Variants in MGAT4C observed in about 807,000 individuals in gnomAD.
The protein encoded by MGAT4C is MGAT4 family member C.
A neutral mutation model predicts 40.1 loss-of-function variants in MGAT4C; 19 were observed. That is an observed-to-expected ratio of 0.47 (90% confidence interval 0.33 to 0.70). The LOEUF is 0.70. Among genes scored for constraint, MGAT4C ranks in the 30% least tolerant of loss-of-function variants. The probability of loss-of-function intolerance (pLI) is 0.02; values close to 1 mark genes in which losing one functional copy is unlikely to be tolerated. For synonymous variants in MGAT4C, 181 were observed against 187.1 expected (o/e 0.97, Z 0.27); for missense variants, 491 against 563.2 (o/e 0.87, Z 1.30).
At chr12:86,188,186 T>A (rs1888988319) in intron 1 of MGAT4C, among the ~76,000 whole-genome samples, 1 of 152,074 alleles carries the variant, frequency 6.6e-6, no homozygotes, top group Non-Finnish European at 1.5e-5. Flanking sequence ...GAGAAATGAT[T>A]AAGAATTCTA....
chr12:86,353,439 T>A (rs1955225228), intron 3 of MGAT4C, among the ~76,000 whole-genome samples: 1 of 152,198 alleles, frequency 6.6e-6, no homozygotes, highest in South Asian at 2.1e-4. Flanking sequence ...TTCTCCCATC[T>A]CTTCTGGCCT....
upstream of MGAT4C, among the ~76,000 whole-genome samples, chr12:86,260,501 A>G (rs1952636174): frequency 6.6e-6 from 1 of 152,186 alleles, no homozygotes; most frequent in South Asian, 2.1e-4. Flanking sequence ...TGAATAATTT[A>G]CAATGTGCCA....
intron 2 of MGAT4C, among the ~76,000 whole-genome samples, chr12:86,662,787 A>G (rs1424314044): frequency 6.6e-6 from 1 of 152,224 alleles, no homozygotes; most frequent in Middle Eastern, 3.2e-3. Flanking sequence ...CTCTTTAATC[A>G]TAAACTAATT....
intron 1 of MGAT4C, among the ~76,000 whole-genome samples, chr12:86,082,083 A>G (rs1870938391): frequency 6.6e-6 from 1 of 152,144 alleles, no homozygotes; most frequent in African/African-American, 2.4e-5. Context: ...TTCTGTTGGA[A>G]ACACTGTGAA....
intron 4 of MGAT4C, among the ~76,000 whole-genome samples, chr12:86,306,672 G>C (rs1429695203): frequency 1.3e-5 from 2 of 150,384 alleles, no homozygotes; most frequent in African/African-American, 2.5e-5. Context: ...AATATGCCTA[G>C]GATTTGTGCA....
chr12:86,702,671 C>T (rs1353609812), intron 2 of MGAT4C, among the ~76,000 whole-genome samples: 1 of 152,120 alleles, frequency 6.6e-6, no homozygotes, highest in Non-Finnish European at 1.5e-5. Flanking sequence ...ACCTACTGCT[C>T]AGAAAAAGAG....
At chr12:86,139,600 T>C (rs1332446240) in intron 1 of MGAT4C, among the ~76,000 whole-genome samples, 1 of 152,056 alleles carries the variant, frequency 6.6e-6, no homozygotes, top group African/African-American at 2.4e-5. Flanking sequence ...AGTTTTTCAA[T>C]TTCTAAAGAT....
chr12:86,815,752 T>G (rs918338193), intron 1 of MGAT4C, among the ~76,000 whole-genome samples: 4 of 149,696 alleles, frequency 2.7e-5, no homozygotes, highest in African/African-American at 7.4e-5. Context: ...GTTAAGTAAC[T>G]CAAGAATGGA....
intron 2 of MGAT4C, among the ~76,000 whole-genome samples, chr12:86,036,468 T>C (rs1891249107): frequency 6.7e-6 from 1 of 150,142 alleles, no homozygotes; most frequent in African/African-American, 2.4e-5. Flanking sequence ...TTGAGATACA[T>C]TCCATCAATA....
chr12:86,380,167 A>C (rs1955902139), intron 3 of MGAT4C, among the ~76,000 whole-genome samples: 1 of 152,136 alleles, frequency 6.6e-6, no homozygotes, highest in Non-Finnish European at 1.5e-5. Context: ...CTGCTTAATA[A>C]TACTTGATCT....
intron 2 of MGAT4C, among the ~76,000 whole-genome samples, chr12:86,653,351 A>G (rs766583268): frequency 1.3e-5 from 2 of 151,918 alleles, no homozygotes; most frequent in Non-Finnish European, 2.9e-5. Context: ...TGTTTGTCCA[A>G]TGTAGTAGTT....
At position 86,116,257 on chromosome 12, in the gene MGAT4C, G is replaced by T. The variant is rs567102126; in HGVS notation, c.-56-66534C>A. Among the ~76,000 whole-genome samples, 6 of 151,938 alleles carry T rather than the reference G, an allele frequency of 3.9e-5. No homozygotes were observed. In the South Asian group the frequency reaches 1.3e-3, roughly 32 times the overall value. ...TAGGGGTAGAAGTCGGGCATAATCT[G>T]ACTTATGCATTAACGGGCACTCTGA... On this transcript the variant is annotated intron_variant, in intron 1 of 4. Coordinates refer to ENST00000611864, the MANE Select transcript of MGAT4C (RefSeq NM_001351288.2).
At chr12:86,280,166 T>C (rs1007927355) in intron 4 of MGAT4C, among the ~76,000 whole-genome samples, 7 of 152,078 alleles carry the variant, frequency 4.6e-5, no homozygotes, top group African/African-American at 1.4e-4. Flanking sequence ...AATTGGTCTA[T>C]AGTGCAGATT....
chr12:86,763,265 G>T (rs1000781301), intron 1 of MGAT4C, among the ~76,000 whole-genome samples: 2 of 152,128 alleles, frequency 1.3e-5, no homozygotes, highest in African/African-American at 4.8e-5. Context: ...AATCTATTCT[G>T]CTATTCCTAA....
intron 1 of MGAT4C, among the ~76,000 whole-genome samples, chr12:86,237,290 C>T (rs1951595958): frequency 6.6e-6 from 1 of 151,562 alleles, no homozygotes; most frequent in Admixed American, 6.6e-5. Context: ...GTGTGACTTT[C>T]CTAAATAATC....
intron 2 of MGAT4C, among the ~76,000 whole-genome samples, chr12:86,613,579 A>C (rs1255559436): frequency 2.6e-5 from 4 of 152,170 alleles, no homozygotes; most frequent in African/African-American, 9.7e-5. Flanking sequence ...CAAAAAGCAT[A>C]ATCTTGAAAT....
At chr12:86,416,553 T>C (rs989570095) in intron 3 of MGAT4C, among the ~76,000 whole-genome samples, 2 of 152,076 alleles carry the variant, frequency 1.3e-5, no homozygotes, top group African/African-American at 2.4e-5. Flanking sequence ...CTAGACTAAA[T>C]GCTCACATTT....
At position 86,483,368 on chromosome 12, in the gene MGAT4C, T is replaced by C. The variant is rs187672301; in HGVS notation, c.-228-48103A>G. Among the ~76,000 whole-genome samples, 8 of 152,248 alleles carry C rather than the reference T, an allele frequency of 5.3e-5. No individual in the cohort carries two copies. In the East Asian group the frequency reaches 1.2e-3, roughly 22 times the overall value. On this transcript the variant is annotated intron_variant, in intron 2 of 7. Transcript: ENST00000548651. ...AAACAAGAGATATAATTCCTCTTTA[T>C]AGAGGCTATTATTTAATAAATAACA...
chr12:86,410,554 C>T (rs887400734), intron 3 of MGAT4C, among the ~76,000 whole-genome samples: 4 of 152,086 alleles, frequency 2.6e-5, no homozygotes, highest in Non-Finnish European at 4.4e-5. Flanking sequence ...TTATTCTGTT[C>T]GTTTTCAAGG....
Sources: gnomAD v4.1 joint callset for allele counts (sites outside exome capture counted in the v4.1 genomes callset) on GRCh38, gnomAD v4.1.1 for gene constraint, MANE v1.5 for transcripts, NCBI Gene and HGNC (gene_info 2026-07-23, HGNC 2026-07-21) for gene names.